MCM5: variants seen among roughly 807,000 people sequenced by gnomAD.
The protein encoded by MCM5 is minichromosome maintenance complex component 5, also known as DNA replication licensing factor MCM5.
In MCM5, 46 loss-of-function variants were observed where a neutral mutation model predicts 79.9. That is an observed-to-expected ratio of 0.58 (90% confidence interval 0.45 to 0.74). MCM5 has a LOEUF of 0.74. Ranked by LOEUF, MCM5 falls within the 30% of genes least tolerant of loss-of-function variation. MCM5 has a pLI of 0.00. For missense variants in MCM5, 883 were observed against 1,017.0 expected (o/e 0.87, Z 1.79); for synonymous variants, 404 against 390.5 (o/e 1.03, Z -0.41).
At chr22:35,427,778 G>A (rs112285748), downstream of MCM5, among the ~76,000 whole-genome samples, 4,274 of 151,828 alleles carry the variant, frequency 0.028, 102 homozygotes, top group Non-Finnish European at 0.04. Flanking sequence ...AGACATTATG[G>A]TGAGGCCAAA....
intron 6 of MCM5, 47 bp from the exon 7 acceptor site, chr22:35,410,697 A>G: frequency 6.3e-7 from 1 of 1,582,536 alleles, no homozygotes; most frequent in Non-Finnish European, 8.7e-7. Flanking sequence ...CTTGCTGTCC[A>G]AGTCAGAATC....
chr22:35,438,559 TCATC>T, the MCM5 span, among the ~76,000 whole-genome samples: 600 of 82,802 alleles, frequency 7.2e-3, 23 homozygotes, highest in African/African-American at 0.017. Context: ...ACTCACATAT[TCATC>T]CATCCATCCA....
intron 9 of MCM5, among the ~76,000 whole-genome samples, chr22:35,415,412 G>A (rs1029745986): frequency 3.3e-5 from 5 of 152,220 alleles, no homozygotes; most frequent in African/African-American, 1.2e-4. Flanking sequence ...CTCTATGGCA[G>A]TATGTGGCGT....
At chr22:35,407,761 T>C (rs1932259459) in intron 5 of MCM5, among the ~76,000 whole-genome samples, 1 of 152,212 alleles carries the variant, frequency 6.6e-6, no homozygotes, top group Non-Finnish European at 1.5e-5. Flanking sequence ...CCTACTTTTT[T>C]ACTTTTCTTC....
At chr22:35,443,088 C>T in the MCM5 span, among the ~76,000 whole-genome samples, 1 of 152,230 alleles carries the variant, frequency 6.6e-6, no homozygotes, top group Non-Finnish European at 1.5e-5. Flanking sequence ...CCTCTCAGCA[C>T]TCCTGAGCCC....
chr22:35,419,832 G>T, intron 13 of MCM5, 52 bp from the exon 14 acceptor site: 1 of 1,542,614 alleles, frequency 6.5e-7, no homozygotes, highest in Non-Finnish European at 8.8e-7. Flanking sequence ...AAGGGTAGGT[G>T]CCCTAAGAGT....
chr22:35,413,454 G>C (rs1399515911), intron 8 of MCM5, among the ~76,000 whole-genome samples: 1 of 152,184 alleles, frequency 6.6e-6, no homozygotes, highest in Non-Finnish European at 1.5e-5. Flanking sequence ...TTGAGGCATA[G>C]AGAGTTAAAG....
the MCM5 span, among the ~76,000 whole-genome samples, chr22:35,438,776 C>G: frequency 7.5e-6 from 1 of 133,808 alleles, no homozygotes; most frequent in Non-Finnish European, 1.6e-5. Flanking sequence ...TCTACCCACC[C>G]ACATATTCAT....
chr22:35,409,073 C>T (rs1424906178), intron 6 of MCM5, among the ~76,000 whole-genome samples: 17 of 152,316 alleles, frequency 1.1e-4, no homozygotes, highest in Admixed American at 1.0e-3. Flanking sequence ...TGCCATTCTC[C>T]GGCCTCAGCC....
rs1932460813 is a variant in MCM5 at position 35,413,890 on chromosome 22, T to TA, written c.1108dup (p.Thr370AsnfsTer76). On this transcript the variant is annotated frameshift_variant, in exon 9 of 17. Transcript: ENST00000216122. LOFTEE classifies it high-confidence loss of function. ...CGTCCCCCAGGCTCCCTGATGGACTTACTCGCCGAGGAGACATCAACCTGC... is the reference window on the plus strand; with the variant it reads ...CGTCCCCCAGGCTCCCTGATGGACTTAACTCGCCGAGGAGACATCAACCTGC... The TA allele has an allele frequency of 1.2e-6, 2 of 1,611,736 alleles. No homozygotes were observed. The highest frequency in any genetic ancestry group is 1.7e-6 in the Non-Finnish European group (2 of 1,177,898).
At chr22:35,405,432 T>A (rs1932184551) in intron 4 of MCM5, among the ~76,000 whole-genome samples, 1 of 152,130 alleles carries the variant, frequency 6.6e-6, no homozygotes, top group Admixed American at 6.6e-5. Flanking sequence ...AGTGGCATGA[T>A]CTCAGCTCAC....
the MCM5 span, among the ~76,000 whole-genome samples, chr22:35,453,026 A>T: frequency 6.6e-6 from 1 of 152,076 alleles, no homozygotes; most frequent in African/African-American, 2.4e-5. Context: ...GAGGGCTGAG[A>T]TGCTATCTGT....
chr22:35,406,306 C>A (rs4645757), intron 4 of MCM5, among the ~76,000 whole-genome samples: 8 of 142,128 alleles, frequency 5.6e-5, no homozygotes, highest in Non-Finnish European at 1.1e-4. Flanking sequence ...ACCTCCCCCC[C>A]CAATTGTGCT....
the MCM5 span, among the ~76,000 whole-genome samples, chr22:35,437,178 G>C: frequency 6.6e-6 from 1 of 152,138 alleles, no homozygotes; most frequent in African/African-American, 2.4e-5. Flanking sequence ...CCAGGGCTTA[G>C]GCCTAGGGAA....
At chr22:35,422,916 A>G (rs368420740) in intron 15 of MCM5, 33 of 247,716 alleles carry the variant, frequency 1.3e-4, no homozygotes, top group African/African-American at 7.3e-4. Context: ...GGCCCGCAGG[A>G]CTTGGTCCCT....
chr22:35,432,099 T>G, the MCM5 span, among the ~76,000 whole-genome samples: 1 of 152,168 alleles, frequency 6.6e-6, no homozygotes, highest in South Asian at 2.1e-4. Context: ...CCTGTTACAT[T>G]CTCTATGGGT....
the MCM5 span, among the ~76,000 whole-genome samples, chr22:35,431,828 G>A: frequency 6.6e-6 from 1 of 152,274 alleles, no homozygotes; most frequent in South Asian, 2.1e-4. Flanking sequence ...TTCCCTCTGT[G>A]CCTCTCCTCC....
chr22:35,412,085 C>G (rs1161035809), intron 7 of MCM5, among the ~76,000 whole-genome samples: 5 of 152,248 alleles, frequency 3.3e-5, no homozygotes, highest in Admixed American at 2.6e-4. Context: ...CCCACCTGCT[C>G]TGAGCCCTTG....
At chr22:35,438,587 C>CCATCCATCCATCCATG in the MCM5 span, among the ~76,000 whole-genome samples, 1 of 58,896 alleles carries the variant, frequency 1.7e-5, no homozygotes, top group African/African-American at 8.1e-5. Context: ...ATCCATCCAT[C>CCATCCATCCATCCATG]CATCCATGCA....
Sources: gnomAD v4.1 joint callset for allele counts (sites outside exome capture counted in the v4.1 genomes callset) on GRCh38, gnomAD v4.1.1 for gene constraint, MANE v1.5 for transcripts, NCBI Gene and HGNC (gene_info 2026-07-23, HGNC 2026-07-21) for gene names.